NCKIPSD: variants seen among roughly 807,000 people sequenced by gnomAD.
NCKIPSD encodes the protein NCK-interacting protein with SH3 domain.
In NCKIPSD, 48 loss-of-function variants were observed where a neutral mutation model predicts 73.4. The ratio of observed to expected loss-of-function variants is 0.65; its 90% CI spans 0.52 to 0.83. The LOEUF (loss-of-function observed/expected upper bound fraction) is 0.83. Among genes scored for constraint, NCKIPSD ranks in the 40% least tolerant of loss-of-function variants. The pLI is 0.00. For missense variants in NCKIPSD, 884 were observed against 970.2 expected (o/e 0.91, Z 1.18); for synonymous variants, 422 against 403.6 (o/e 1.05, Z -0.54).
Position 48,674,615 on chromosome 3 carries a change from A to G in NCKIPSD, c.2098T>C (p.Cys700Arg). 1.2e-6 allele frequency: 2 copies of G among 1,612,622 alleles called. No homozygotes were observed. Among genetic ancestry groups the G allele is most frequent in the East Asian group, 2.2e-5 (1 of 44,870 alleles). ...ILNEEETSPQ[C>R]QMDRMIVREM... The stretch of plus-strand genomic sequence containing the variant: ...CGGACAATCATGCGGTCCATCTGGC[A>G]CTGGGGTGAGGTCTCCTCCTCATTC... The change falls in exon 13 of 13, where the codon TGC becomes CGC. Residue 700 changes from cysteine (C) to arginine (R), a missense_variant. Coordinates refer to ENST00000294129, the MANE Select transcript of NCKIPSD (RefSeq NM_016453.4).
chr3:48,684,984 G>A (rs1237188894), intron 1 of NCKIPSD, among the ~76,000 whole-genome samples: 1 of 151,944 alleles, frequency 6.6e-6, no homozygotes, highest in Non-Finnish European at 1.5e-5. Context: ...GAAGAGCTTA[G>A]AGGGTGGCTG....
chr3:48,685,192 AG>A (rs2077416553), intron 1 of NCKIPSD, among the ~76,000 whole-genome samples: 2 of 98 alleles, frequency 0.02, no homozygotes, highest in Admixed American at 0.17. Context: ...GGAAGAAGGA[AG>A]GGAGGGAGGG....
chr3:48,679,516 T>A (rs2077312420), intron 8 of NCKIPSD, 59 bp from the exon 9 acceptor site: 1 of 1,607,418 alleles, frequency 6.2e-7, no homozygotes, highest in Non-Finnish European at 8.5e-7. Flanking sequence ...CCCCAGCAGA[T>A]GGCAGGAACA....
chr3:48,676,113 C>T (rs2077252838), intron 12 of NCKIPSD, among the ~76,000 whole-genome samples: 1 of 152,204 alleles, frequency 6.6e-6, no homozygotes, highest in African/African-American at 2.4e-5. Context: ...CTCAAACGGA[C>T]ACACAGCACT....
intron 12 of NCKIPSD, among the ~76,000 whole-genome samples, chr3:48,676,950 T>C (rs1205727704): frequency 1.3e-5 from 2 of 151,498 alleles, no homozygotes; most frequent in Admixed American, 1.3e-4. Flanking sequence ...TTTGTATTTT[T>C]CGTATTTTGT....
intron 1 of NCKIPSD, among the ~76,000 whole-genome samples, chr3:48,683,614 C>G (rs980499710): frequency 6.6e-6 from 1 of 152,206 alleles, no homozygotes; most frequent in Non-Finnish European, 1.5e-5. Context: ...CCAAACCCAC[C>G]CTGGGAAGCA....
chr3:48,683,662 G>A (rs1171718649), intron 1 of NCKIPSD, among the ~76,000 whole-genome samples: 4 of 152,086 alleles, frequency 2.6e-5, no homozygotes, highest in African/African-American at 9.7e-5. Context: ...ATGAGAGAGG[G>A]GCCTAGCCCC....
intron 12 of NCKIPSD, among the ~76,000 whole-genome samples, chr3:48,675,533 A>AGATC (rs2077241835): frequency 7.2e-6 from 1 of 139,592 alleles, no homozygotes; most frequent in African/African-American, 2.8e-5. Context: ...TATATGATAT[A>AGATC]TATATATATA....
intron 6 of NCKIPSD, 35 bp from the exon 7 acceptor site, chr3:48,679,922 A>G: frequency 6.2e-7 from 1 of 1,613,564 alleles, no homozygotes; most frequent in Non-Finnish European, 8.5e-7. Context: ...ATCAGCCACC[A>G]TGAGCGGAGC....
At position 48,681,446 on chromosome 3, in the gene NCKIPSD, G is replaced by A. The variant is rs2106752194; in HGVS notation, c.933C>T (p.Thr311=). 4 of 1,614,102 alleles carry A rather than the reference G, an allele frequency of 2.5e-6. No homozygotes were observed. The highest frequency in any genetic ancestry group is 1.3e-5 in the African/African-American group (1 of 75,052). Residue 311 remains threonine (T), a synonymous_variant, in exon 5 of 13, where the codon ACC becomes ACT. Transcript: ENST00000294129. The part of the protein sequence containing the change: ...KAAAEAAVPR[T]IGAELMELVR... ...CCAGCTCCATCAGCTCGGCCCCAAT[G>A]GTCCTGGGCACAGCCGCCTCAGCTG...
rs2077295317 is a variant in NCKIPSD at position 48,678,677 on chromosome 3, G to A, written c.1852C>T (p.Leu618=). 5 of 1,614,126 alleles carry A rather than the reference G, an allele frequency of 3.1e-6. No individual in the cohort carries two copies. Among genetic ancestry groups the A allele is most frequent in the Non-Finnish European group, 4.2e-6 (5 of 1,180,046 alleles). The change falls in exon 12 of 13, where the codon CTG becomes TTG. Residue 618 remains leucine (L), a synonymous_variant. Transcript: ENST00000294129. ...GCCGGGCTGCCAAACACGTCCTGCA[G>A]GAACTTGAGGACAGAGTGTGGTGGC... ...PQPPHSVLKF[L]QDVFGSPATA...
chr3:48,684,446 C>G (rs1228553912), intron 1 of NCKIPSD, among the ~76,000 whole-genome samples: 20 of 152,194 alleles, frequency 1.3e-4, no homozygotes, highest in Admixed American at 1.3e-3. Context: ...ACGGCCCCCA[C>G]TCCCACCCCT....
At chr3:48,681,146 G>T in intron 5 of NCKIPSD, 141 bp downstream of exon 5, 2 of 1,290,620 alleles carry the variant, frequency 1.5e-6, no homozygotes, top group Non-Finnish European at 2.1e-6. Flanking sequence ...TCAGAAATCA[G>T]CTCAACGTCC....
chr3:48,677,771 T>C (rs1283207349), intron 12 of NCKIPSD, among the ~76,000 whole-genome samples: 2 of 152,340 alleles, frequency 1.3e-5, no homozygotes, highest in East Asian at 3.9e-4. Flanking sequence ...TCCCTAGTTG[T>C]TTCAGCTGTG....
chr3:48,683,351 A>G (rs1400126869), intron 1 of NCKIPSD, among the ~76,000 whole-genome samples: 2 of 152,222 alleles, frequency 1.3e-5, no homozygotes, highest in African/African-American at 2.4e-5. Flanking sequence ...CCAGGAGCGC[A>G]TACCTCGTCT....
Position 48,681,649 on chromosome 3 carries a change from G to C in NCKIPSD, c.730C>G (p.Pro244Ala). The C allele has an allele frequency of 6.2e-7, 1 of 1,611,776 alleles. No individual in the cohort carries two copies. The highest frequency in any genetic ancestry group is 1.1e-5 in the South Asian group (1 of 90,844). The change falls in exon 5 of 13, where the codon CCA (proline) becomes GCA (alanine). Residue 244 changes from proline (P) to alanine (A), a missense_variant. Coordinates refer to ENST00000294129, the MANE Select transcript of NCKIPSD (RefSeq NM_016453.4). ...TGGGTGCCTCGGCGGGGCACAGGTGGGGGTGTGGGTGAGCAGCTGGAGCCT... is the reference window on the plus strand; with the variant it reads ...TGGGTGCCTCGGCGGGGCACAGGTGCGGGTGTGGGTGAGCAGCTGGAGCCT... ...EPGSSCSPTPPPVPRRGTHTT... is the reference protein window; with the variant it reads ...EPGSSCSPTPAPVPRRGTHTT...
In NCKIPSD at chr3:48,682,540, G is replaced by A. The variant is rs762270430; in HGVS notation, c.294C>T (p.His98=). 4.3e-6 allele frequency: 7 copies of A among 1,613,890 alleles called. No individual in the cohort carries two copies. In the Admixed American group the frequency reaches 1.0e-4, roughly 23 times the overall value. ...TGCGTGACAGGGTCTCTTTCCGGTGGTGGATCAGCTTCCTGATGGAAGGAC... is the reference window on the plus strand; with the variant it reads ...TGCGTGACAGGGTCTCTTTCCGGTGATGGATCAGCTTCCTGATGGAAGGAC... ...EQRGVLQKLI[H]HRKETLSRRG... The change falls in exon 3 of 13, where the codon CAC becomes CAT. Residue 98 remains histidine (H), a synonymous_variant. Coordinates refer to ENST00000294129, the MANE Select transcript of NCKIPSD (RefSeq NM_016453.4).
intron 1 of NCKIPSD, among the ~76,000 whole-genome samples, chr3:48,683,957 CA>C (rs973816065): frequency 4.2e-5 from 6 of 143,514 alleles, no homozygotes; most frequent in Non-Finnish European, 7.6e-5. Flanking sequence ...GGAGAGGAGA[CA>C]GGGGGATAGA....
At chr3:48,677,628 T>C (rs961971312) in intron 12 of NCKIPSD, among the ~76,000 whole-genome samples, 17 of 152,304 alleles carry the variant, frequency 1.1e-4, no homozygotes, top group African/African-American at 3.8e-4. Context: ...CAGGCACCAC[T>C]GACCTCTGTG....
Sources: gnomAD v4.1 joint callset for allele counts (sites outside exome capture counted in the v4.1 genomes callset) on GRCh38, gnomAD v4.1.1 for gene constraint, MANE v1.5 for transcripts, NCBI Gene and HGNC (gene_info 2026-07-23, HGNC 2026-07-21) for gene names.